The following DTNB variants were observed in gnomAD, a reference collection of about 807,000 sequenced individuals.
DTNB encodes DTN-B.
In DTNB, 63 loss-of-function variants were observed where a neutral mutation model predicts 90.7. The observed-to-expected ratio is 0.69, with a 90% CI of 0.57 to 0.86. DTNB has a LOEUF of 0.86. Among genes scored for constraint, DTNB ranks in the 40% least tolerant of loss-of-function variants. The probability of loss-of-function intolerance (pLI) is 0.00; values close to 1 mark genes in which losing one functional copy is unlikely to be tolerated. For missense variants in DTNB, 744 were observed against 807.1 expected, an observed-to-expected ratio of 0.92 and a Z score of 0.95; for synonymous variants, 277 against 286.7, an observed-to-expected ratio of 0.97 and a Z score of 0.34.
intron 15 of DTNB, among the ~76,000 whole-genome samples, chr2:25,425,916 A>C (rs2051409485): frequency 6.6e-6 from 1 of 152,200 alleles, no homozygotes; most frequent in African/African-American, 2.4e-5. Flanking sequence ...TATAACTTTC[A>C]ACAACAATAG....
At chr2:25,479,362 G>A (rs1482422236) in intron 10 of DTNB, among the ~76,000 whole-genome samples, 6 of 152,122 alleles carry the variant, frequency 3.9e-5, no homozygotes, top group Admixed American at 2.6e-4. Flanking sequence ...AGGTCTAGAC[G>A]CGGGCCTCCT....
intron 16 of DTNB, among the ~76,000 whole-genome samples, chr2:25,391,796 A>T (rs942016407): frequency 1.3e-5 from 2 of 152,236 alleles, no homozygotes; most frequent in African/African-American, 4.8e-5. Context: ...AATACATGGA[A>T]ATTAAATAAT....
intron 9 of DTNB, among the ~76,000 whole-genome samples, chr2:25,504,674 T>C (rs1056642323): frequency 6.6e-6 from 1 of 151,998 alleles, no homozygotes; most frequent in Non-Finnish European, 1.5e-5. Context: ...TTAACCAAAG[T>C]GTGAAGCTTG....
intron 8 of DTNB, among the ~76,000 whole-genome samples, chr2:25,536,440 G>A (rs1032861404): frequency 1.8e-4 from 27 of 152,216 alleles, no homozygotes; most frequent in Admixed American, 1.6e-3. Flanking sequence ...GTGAAACTCC[G>A]TCTGCAATCC....
At chr2:25,533,763 G>A (rs1161913855) in intron 8 of DTNB, among the ~76,000 whole-genome samples, 3 of 151,966 alleles carry the variant, frequency 2.0e-5, no homozygotes, top group Admixed American at 6.6e-5. Flanking sequence ...CTATCTTTCT[G>A]TACATTTTTT....
chr2:25,410,410 T>C (rs1434391506), intron 16 of DTNB, among the ~76,000 whole-genome samples: 4 of 151,990 alleles, frequency 2.6e-5, no homozygotes, highest in African/African-American at 9.7e-5. Flanking sequence ...GCTCAGGGAG[T>C]TTTGGGGGAG....
chr2:25,526,457 G>A (rs943661442), intron 9 of DTNB, among the ~76,000 whole-genome samples: 9 of 144,944 alleles, frequency 6.2e-5, no homozygotes, highest in South Asian at 4.3e-4. Flanking sequence ...GTGCAATGGC[G>A]CGATCTCAGC....
At chr2:25,563,947 G>C (rs1443022601) in intron 8 of DTNB, among the ~76,000 whole-genome samples, 4 of 152,070 alleles carry the variant, frequency 2.6e-5, no homozygotes, top group African/African-American at 9.7e-5. Flanking sequence ...CTGCAGGCTG[G>C]AGTGCAGTGG....
At chr2:25,665,979 A>T (rs1297263703) in intron 1 of DTNB, among the ~76,000 whole-genome samples, 1 of 152,216 alleles carries the variant, frequency 6.6e-6, no homozygotes. Context: ...CATTTAGCAC[A>T]ATGGCATCCA....
intron 8 of DTNB, among the ~76,000 whole-genome samples, chr2:25,548,897 C>T (rs143714782): frequency 8.9e-4 from 135 of 152,294 alleles, no homozygotes; most frequent in Middle Eastern, 3.4e-3. Flanking sequence ...TTTACATACA[C>T]ATAAATACAT....
chr2:25,653,478 G>C (rs35255750), intron 1 of DTNB, among the ~76,000 whole-genome samples: 1 of 116,596 alleles, frequency 8.6e-6, no homozygotes, highest in Admixed American at 9.1e-5. Context: ...TTCAGAGCTT[G>C]CTTTCTTTCT....
chr2:25,427,499 A>T (rs2052216234), intron 15 of DTNB, 36 bp downstream of exon 15: 1 of 1,603,608 alleles, frequency 6.2e-7, no homozygotes. Context: ...GTGGGAGAAG[A>T]ATGACAAGAA....
chr2:25,559,065 C>T (rs1034696530), intron 8 of DTNB, among the ~76,000 whole-genome samples: 5 of 152,168 alleles, frequency 3.3e-5, no homozygotes, highest in Admixed American at 2.6e-4. Context: ...TGCCACAGTG[C>T]CATGATCTGC....
At chr2:25,581,628 A>C (rs1259085879) in intron 6 of DTNB, among the ~76,000 whole-genome samples, 1 of 152,284 alleles carries the variant, frequency 6.6e-6, no homozygotes, top group Non-Finnish European at 1.5e-5. Context: ...ATTAGAAAGC[A>C]GTCTAGAAAG....
chr2:25,384,148 G>C (rs55994693), intron 18 of DTNB, among the ~76,000 whole-genome samples: 4,711 of 152,372 alleles, frequency 0.031, 103 homozygotes, highest in Non-Finnish European at 0.049. Flanking sequence ...AGGGCTGGGG[G>C]CGTGCAGTGT....
intron 9 of DTNB, among the ~76,000 whole-genome samples, chr2:25,530,884 T>G (rs900350446): frequency 6.6e-6 from 1 of 152,244 alleles, no homozygotes; most frequent in Non-Finnish European, 1.5e-5. Flanking sequence ...AATCTTACCC[T>G]TCACTGTTTC....
Position 25,458,033 on chromosome 2 carries a change from C to A in DTNB, c.1080-2539G>T, listed in dbSNP as rs895079826. On this transcript the variant is annotated intron_variant, in intron 10 of 20. Transcript: ENST00000406818. Reference sequence around the variant, plus strand: ...TATTTTTAGTAGAGATGAGGTTTCACCATGTTGGCCAGGATGGTCTCGATC... The same window carrying A: ...TATTTTTAGTAGAGATGAGGTTTCAACATGTTGGCCAGGATGGTCTCGATC... Among the ~76,000 whole-genome samples the A allele has an allele frequency of 2.0e-5, 3 of 152,056 alleles. No individual in the cohort carries two copies. The East Asian group carries it at 5.8e-4, about 29-fold the overall frequency.
intron 8 of DTNB, among the ~76,000 whole-genome samples, chr2:25,556,017 C>T (rs2057286785): frequency 6.6e-6 from 1 of 151,878 alleles, no homozygotes. Flanking sequence ...GAGATTAAGT[C>T]TCAAAAAATA....
At chr2:25,617,037 T>C (rs1403508562) in intron 4 of DTNB, among the ~76,000 whole-genome samples, 1 of 151,958 alleles carries the variant, frequency 6.6e-6, no homozygotes, top group Non-Finnish European at 1.5e-5. Flanking sequence ...GATCCACTGT[T>C]TAACCATTTT....
Sources: gnomAD v4.1 joint callset for allele counts (sites outside exome capture counted in the v4.1 genomes callset) on GRCh38, gnomAD v4.1.1 for gene constraint, MANE v1.5 for transcripts, NCBI Gene and HGNC (gene_info 2026-07-23, HGNC 2026-07-21) for gene names.